Variants in FAF1 observed in about 807,000 individuals in gnomAD.
FAF1 encodes the protein FAS-associated factor 1.
A neutral mutation model predicts 92.5 loss-of-function variants in FAF1; 25 were observed. The ratio of observed to expected loss-of-function variants is 0.27; its 90% CI spans 0.20 to 0.38. FAF1 has a LOEUF of 0.38. FAF1 is among the 10% of genes least tolerant of loss of function. The pLI is 1.00. For missense variants in FAF1, 636 were observed against 793.3 expected, an observed-to-expected ratio of 0.80 and a Z score of 2.38; for synonymous variants, 234 against 273.2, an observed-to-expected ratio of 0.86 and a Z score of 1.42.
intron 8 of FAF1, among the ~76,000 whole-genome samples, chr1:50,626,649 G>A (rs114248434): frequency 6.6e-6 from 1 of 152,082 alleles, no homozygotes; most frequent in Non-Finnish European, 1.5e-5. Context: ...GTCATATTAA[G>A]GGGTCCGGTC....
At chr1:50,940,754 C>T (rs1455796578) in intron 1 of FAF1, among the ~76,000 whole-genome samples, 2 of 152,148 alleles carry the variant, frequency 1.3e-5, no homozygotes, top group Non-Finnish European at 2.9e-5. Flanking sequence ...CACTGATGAA[C>T]GTAAAAGTGA....
intron 2 of FAF1, among the ~76,000 whole-genome samples, chr1:50,838,989 T>G (rs1570033232): frequency 6.6e-6 from 1 of 151,990 alleles, no homozygotes; most frequent in South Asian, 2.1e-4. Context: ...AGGGGGAAAA[T>G]ATCCAACTTA....
At chr1:50,592,517 A>G (rs2124066019) in intron 9 of FAF1, among the ~76,000 whole-genome samples, 1 of 152,360 alleles carries the variant, frequency 6.6e-6, no homozygotes, top group Non-Finnish European at 1.5e-5. Flanking sequence ...CTGTAGGGCC[A>G]GAGAGATGAT....
chr1:50,835,759 T>C (rs925350167), intron 2 of FAF1, among the ~76,000 whole-genome samples: 1 of 152,124 alleles, frequency 6.6e-6, no homozygotes, highest in African/African-American at 2.4e-5. Flanking sequence ...ACATTACTTC[T>C]CTTCCCCATT....
At chr1:50,723,759 T>A (rs941506549) in intron 6 of FAF1, among the ~76,000 whole-genome samples, 4 of 151,964 alleles carry the variant, frequency 2.6e-5, no homozygotes, top group African/African-American at 9.7e-5. Context: ...TTTTTTCTTT[T>A]TTTTCTGAGA....
chr1:50,642,204 G>GAAAA (rs1199936049), intron 8 of FAF1, among the ~76,000 whole-genome samples: 1 of 78,472 alleles, frequency 1.3e-5, no homozygotes, highest in Non-Finnish European at 2.7e-5. Flanking sequence ...CTTTGTCTCA[G>GAAAA]AAAAAAAAAA....
At chr1:50,885,311 C>T (rs1442143070) in intron 1 of FAF1, among the ~76,000 whole-genome samples, 1 of 148,224 alleles carries the variant, frequency 6.7e-6, no homozygotes, top group Non-Finnish European at 1.5e-5. Flanking sequence ...CTCTCTCTCT[C>T]TCACACACAC....
chr1:50,791,987 T>C lies in FAF1; in HGVS notation c.162-3782A>G, dbSNP rs573505822. Among the ~76,000 whole-genome samples, 7 of 152,326 alleles carry C rather than the reference T, an allele frequency of 4.6e-5. No homozygotes were observed. The East Asian group carries it at 1.3e-3, about 29-fold the overall frequency. On this transcript the variant is annotated intron_variant, in intron 3 of 18. Transcript: ENST00000396153. ...TCCTTGTCAATAATAAATGGGATAC[T>C]AGTGATCCATTCCATGCATTGGCAT...
At chr1:50,463,349 G>T (rs1646456460) in intron 18 of FAF1, among the ~76,000 whole-genome samples, 1 of 152,050 alleles carries the variant, frequency 6.6e-6, no homozygotes, top group Non-Finnish European at 1.5e-5. Flanking sequence ...CAATAATTTT[G>T]CTTTGTATCC....
At chr1:50,739,417 AGTGTAT>A (rs1414713346) in intron 5 of FAF1, among the ~76,000 whole-genome samples, 1 of 149,028 alleles carries the variant, frequency 6.7e-6, no homozygotes, top group African/African-American at 2.5e-5. Flanking sequence ...TATACATGTG[AGTGTAT>A]GTGTATGTGT....
chr1:50,483,674 G>A (rs900366846), intron 17 of FAF1, among the ~76,000 whole-genome samples: 1 of 152,142 alleles, frequency 6.6e-6, no homozygotes, highest in African/African-American at 2.4e-5. Context: ...CAAGTTGGGA[G>A]GCTACTAAAG....
chr1:50,811,454 A>C (rs1398103121), intron 2 of FAF1, among the ~76,000 whole-genome samples: 3 of 152,214 alleles, frequency 2.0e-5, no homozygotes, highest in African/African-American at 7.2e-5. Flanking sequence ...AATTCCACTT[A>C]CAATAGCCAC....
chr1:50,628,095 T>C (rs928785080), intron 8 of FAF1, among the ~76,000 whole-genome samples: 1 of 152,126 alleles, frequency 6.6e-6, no homozygotes, highest in Non-Finnish European at 1.5e-5. Flanking sequence ...TTTGCTTTAA[T>C]GGTATGTTTA....
intron 5 of FAF1, among the ~76,000 whole-genome samples, chr1:50,744,032 C>T (rs1378172770): frequency 6.6e-6 from 1 of 151,916 alleles, no homozygotes; most frequent in Non-Finnish European, 1.5e-5. Context: ...GATCATGCCA[C>T]TACACTCCAG....
intron 13 of FAF1, among the ~76,000 whole-genome samples, chr1:50,560,175 G>C (rs1029454131): frequency 6.6e-6 from 1 of 152,198 alleles, no homozygotes; most frequent in African/African-American, 2.4e-5. Context: ...GAACCACTGA[G>C]TAGTTTGGAA....
chr1:50,779,635 T>C (rs1661089538), intron 4 of FAF1, among the ~76,000 whole-genome samples: 1 of 151,556 alleles, frequency 6.6e-6, no homozygotes, highest in Non-Finnish European at 1.5e-5. Flanking sequence ...TTTTAAAAAA[T>C]ATAATTTGTG....
intron 2 of FAF1, among the ~76,000 whole-genome samples, chr1:50,819,704 CATATATAT>C: frequency 2.5e-5 from 1 of 39,890 alleles, no homozygotes; most frequent in Admixed American, 3.8e-4. Flanking sequence ...TATATATATA[CATATATAT>C]ATACGTATAT....
rs528112267 is a variant in FAF1, at chr1:50,813,512, G to A, written c.115-11835C>T. Among the ~76,000 whole-genome samples the A allele has an allele frequency of 9.2e-5, 14 of 152,168 alleles. No homozygotes were observed. In the South Asian group the frequency reaches 2.9e-3, roughly 32 times the overall value. On this transcript the variant is annotated intron_variant, in intron 2 of 18. Coordinates refer to ENST00000396153, the MANE Select transcript of FAF1 (RefSeq NM_007051.3). ...GTCTCCCTCTGTTGCCCATGTTGGA[G>A]TGTAGTGGCACAATCATAGCTCACT... is the stretch of plus-strand genomic sequence containing the variant.
intron 18 of FAF1, among the ~76,000 whole-genome samples, chr1:50,447,942 G>C (rs1646248715): frequency 6.6e-6 from 1 of 152,220 alleles, no homozygotes; most frequent in African/African-American, 2.4e-5. Context: ...GACTCTAGCA[G>C]TATGACTTTG....
Sources: gnomAD v4.1 joint callset for allele counts (sites outside exome capture counted in the v4.1 genomes callset) on GRCh38, gnomAD v4.1.1 for gene constraint, MANE v1.5 for transcripts, NCBI Gene and HGNC (gene_info 2026-07-23, HGNC 2026-07-21) for gene names.